The following NKAIN2 variants were observed in gnomAD, a reference collection of about 807,000 sequenced individuals.
The protein encoded by NKAIN2 is sodium/potassium-transporting ATPase subunit beta-1-interacting protein 2.
Under a neutral mutation model 32.6 loss-of-function variants are expected in NKAIN2, and 14 were observed. That is an observed-to-expected ratio of 0.43 (90% CI 0.28 to 0.67). The LOEUF (loss-of-function observed/expected upper bound fraction) is 0.67, where lower values mean the gene tolerates loss of function less well. Among genes scored for constraint, NKAIN2 ranks in the 30% least tolerant of loss-of-function variants. The pLI is 0.17. For synonymous variants in NKAIN2, 80 were observed against 87.2 expected (o/e 0.92, Z 0.46); for missense variants, 198 against 258.3 (o/e 0.77, Z 1.60).
In NKAIN2 at chr6:124,375,432, T is replaced by C. The variant is rs1046168301; in HGVS notation, c.273+20085T>C. 2.0e-5 allele frequency among the ~76,000 whole-genome samples: 3 copies of C among 147,646 alleles called. No individual in the cohort carries two copies. The Admixed American group carries it at 2.0e-4, about 10-fold the overall frequency. ...TATATATGTATATAAATTACATATA[T>C]ATATAAATTACATTTATATATATTA... On this transcript the variant is annotated intron_variant, in intron 3 of 6. Coordinates refer to ENST00000368417, the MANE Select transcript of NKAIN2 (RefSeq NM_001040214.3).
intron 1 of NKAIN2, among the ~76,000 whole-genome samples, chr6:123,806,857 C>A (rs915411038): frequency 6.6e-6 from 1 of 151,942 alleles, no homozygotes. Context: ...ACATTAATCT[C>A]CAGTCCTCGG....
chr6:124,177,322 G>T (rs918297218), intron 1 of NKAIN2, among the ~76,000 whole-genome samples: 3 of 152,158 alleles, frequency 2.0e-5, no homozygotes, highest in Non-Finnish European at 4.4e-5. Context: ...ACAGATACTT[G>T]AGTATGACAT....
rs144600614 is a variant in NKAIN2, at chr6:124,664,254, G to A, written c.474+5868G>A. Among the ~76,000 whole-genome samples the A allele has an allele frequency of 3.6e-3, 539 of 150,846 alleles. 1 individual carries two copies. Among genetic ancestry groups the A allele is most frequent in the Middle Eastern group, 0.014 (4 of 290 alleles). ...CATACCATTTCACTCCAGCCTGGGC[G>A]AGACAGCAAGACTCTGTCTCAAAAA... On this transcript the variant is annotated intron_variant, in intron 4 of 6. Coordinates refer to ENST00000368417, the MANE Select transcript of NKAIN2 (RefSeq NM_001040214.3).
At chr6:124,108,897 A>G (rs528006574) in intron 1 of NKAIN2, among the ~76,000 whole-genome samples, 2 of 152,068 alleles carry the variant, frequency 1.3e-5, no homozygotes, top group South Asian at 2.1e-4. Flanking sequence ...ATTGGTTTAT[A>G]TGTCTATCTT....
At chr6:123,894,658 C>T (rs1463389941) in intron 1 of NKAIN2, among the ~76,000 whole-genome samples, 1 of 152,066 alleles carries the variant, frequency 6.6e-6, no homozygotes, top group Non-Finnish European at 1.5e-5. Context: ...TCTTGGGGGA[C>T]TTTCCAGGAG....
intron 1 of NKAIN2, among the ~76,000 whole-genome samples, chr6:123,809,123 A>G (rs772159254): frequency 7.2e-5 from 11 of 152,182 alleles, no homozygotes; most frequent in African/African-American, 9.6e-5. Flanking sequence ...TTTTGAAACT[A>G]ATATTGCTAT....
At chr6:124,029,294 G>A (rs151335098) in intron 1 of NKAIN2, among the ~76,000 whole-genome samples, 4,917 of 151,092 alleles carry the variant, frequency 0.033, 254 homozygotes, top group African/African-American at 0.11. Context: ...CTTGTCATAT[G>A]TTCTTTTAAA....
intron 4 of NKAIN2, among the ~76,000 whole-genome samples, chr6:124,676,482 G>A (rs1309149077): frequency 6.6e-6 from 1 of 152,120 alleles, no homozygotes; most frequent in Non-Finnish European, 1.5e-5. Context: ...GTCAGTAACT[G>A]CTTCATATAT....
At chr6:124,208,097 T>C (rs1790986706) in intron 1 of NKAIN2, among the ~76,000 whole-genome samples, 1 of 151,928 alleles carries the variant, frequency 6.6e-6, no homozygotes, top group Non-Finnish European at 1.5e-5. Flanking sequence ...GAGTACAACA[T>C]GGACAAAAGT....
At chr6:124,806,607 C>A (rs1199389135) in intron 5 of NKAIN2, among the ~76,000 whole-genome samples, 4 of 151,890 alleles carry the variant, frequency 2.6e-5, no homozygotes, top group Non-Finnish European at 4.4e-5. Context: ...CAGCTAACAT[C>A]ATAATGACAG....
intron 1 of NKAIN2, among the ~76,000 whole-genome samples, chr6:123,999,611 C>G (rs1779789486): frequency 6.6e-6 from 1 of 152,100 alleles, no homozygotes; most frequent in South Asian, 2.1e-4. Flanking sequence ...TTTAATAATG[C>G]TAAAATGTGA....
At chr6:124,005,315 T>G (rs541972033) in intron 1 of NKAIN2, among the ~76,000 whole-genome samples, 21 of 152,294 alleles carry the variant, frequency 1.4e-4, no homozygotes, top group Non-Finnish European at 2.5e-4. Context: ...CTTCCCTACT[T>G]TTTTGTTAAT....
At chr6:124,612,143 T>C (rs1782713463) in intron 3 of NKAIN2, among the ~76,000 whole-genome samples, 1 of 151,878 alleles carries the variant, frequency 6.6e-6, no homozygotes, top group Admixed American at 6.6e-5. Context: ...TTATATAATA[T>C]TATATAATAT....
At chr6:123,884,604 G>A (rs920384298) in intron 1 of NKAIN2, among the ~76,000 whole-genome samples, 9 of 152,010 alleles carry the variant, frequency 5.9e-5, no homozygotes, top group African/African-American at 2.2e-4. Context: ...CAATGATAAG[G>A]TAGTGACAAA....
chr6:124,724,664 G>A (rs1273998326), intron 4 of NKAIN2, among the ~76,000 whole-genome samples: 1 of 152,128 alleles, frequency 6.6e-6, no homozygotes, highest in Non-Finnish European at 1.5e-5. Context: ...CAAAGATAGG[G>A]AATAGTTTAT....
chr6:124,685,013 C>G (rs1416389202), intron 4 of NKAIN2, among the ~76,000 whole-genome samples: 1 of 152,074 alleles, frequency 6.6e-6, no homozygotes, highest in Non-Finnish European at 1.5e-5. Flanking sequence ...CCCTGACTTC[C>G]TGGGTAAGGT....
intron 1 of NKAIN2, among the ~76,000 whole-genome samples, chr6:123,878,244 T>C (rs1369586734): frequency 6.6e-6 from 1 of 151,898 alleles, no homozygotes; most frequent in Admixed American, 6.6e-5. Context: ...AAAATTGTAA[T>C]TATCCAGATT....
intron 1 of NKAIN2, among the ~76,000 whole-genome samples, chr6:123,852,784 G>A (rs1050164827): frequency 6.6e-5 from 10 of 152,158 alleles, no homozygotes; most frequent in African/African-American, 2.4e-4. Context: ...CTTATATGTG[G>A]AAATCAAATT....
chr6:124,604,165 C>A (rs1782410940), intron 3 of NKAIN2, among the ~76,000 whole-genome samples: 1 of 151,860 alleles, frequency 6.6e-6, no homozygotes, highest in Admixed American at 6.6e-5. Flanking sequence ...TAACACATAC[C>A]CACTGAGTTA....
Sources: allele counts gnomAD v4.1 joint callset (sites outside exome capture counted in the v4.1 genomes callset), GRCh38; gene constraint gnomAD v4.1.1; transcripts MANE v1.5; gene names NCBI Gene and HGNC (gene_info 2026-07-23, HGNC 2026-07-21).